ALDH9A1: variants seen among roughly 807,000 people sequenced by gnomAD.
The protein encoded by ALDH9A1 is 4-trimethylaminobutyraldehyde dehydrogenase.
In ALDH9A1, 42 loss-of-function variants were observed where a neutral mutation model predicts 56.6. The ratio of observed to expected loss-of-function variants is 0.74; its 90% CI spans 0.58 to 0.96. The LOEUF is 0.96. ALDH9A1 is among the 40% of genes least tolerant of loss of function. The probability of loss-of-function intolerance (pLI) is 0.00; values close to 1 mark genes in which losing one functional copy is unlikely to be tolerated. For synonymous variants in ALDH9A1, 242 were observed against 236.0 expected, an observed-to-expected ratio of 1.03 and a Z score of -0.23; for missense variants, 661 against 651.5, an observed-to-expected ratio of 1.01 and a Z score of -0.16.
Position 165,665,008 on chromosome 1 carries a change from A to T in ALDH9A1, c.1462+10T>A. On this transcript the variant is annotated intron_variant, in intron 10 of 10. Coordinates refer to ENST00000354775, the MANE Select transcript of ALDH9A1 (RefSeq NM_000696.4). ...GACCTAGTTTGCATTCACACCTCCC[A>T]GCTCCTCACCTGACTTCTTATATCC... 1.2e-6 allele frequency: 2 copies of T among 1,610,290 alleles called. No individual in the cohort carries two copies. The highest frequency in any genetic ancestry group is 1.7e-6 in the Non-Finnish European group (2 of 1,176,612).
intron 4 of ALDH9A1, among the ~76,000 whole-genome samples, chr1:165,681,167 C>T (rs1405406824): frequency 6.6e-6 from 1 of 152,200 alleles, no homozygotes; most frequent in Non-Finnish European, 1.5e-5. Context: ...GGGGACACAG[C>T]CAAACCATAT....
At position 165,695,346 on chromosome 1, in the gene ALDH9A1, G is replaced by C; in HGVS notation, c.233C>G (p.Ala78Gly). 3 of 1,613,286 alleles carry C rather than the reference G, an allele frequency of 1.9e-6. No homozygotes were observed. The highest frequency in any genetic ancestry group is 2.5e-6 in the Non-Finnish European group (3 of 1,179,666). Residue 78 changes from alanine (A) to glycine (G), a missense_variant, in exon 2 of 11, where the codon GCT becomes GGT. Physicochemically the swap from Ala to Gly is moderately conservative, Grantham distance 60. Transcript: ENST00000354775. ...AAAAGCAGCCTTTGCATTTTGAACA[G>C]CCAAATTTACTTCCTTTTCTCCTGA... is the stretch of plus-strand genomic sequence containing the variant. ...TCSGEKEVNL[A>G]VQNAKAAFKI...
chr1:165,697,922 G>C (rs1367141690), intron 1 of ALDH9A1, among the ~76,000 whole-genome samples: 4 of 152,146 alleles, frequency 2.6e-5, no homozygotes, highest in South Asian at 2.1e-4. Context: ...CCAGCTACCA[G>C]GGAGGCTGAG....
chr1:165,681,824 T>C (rs1390969732), intron 4 of ALDH9A1, among the ~76,000 whole-genome samples: 1 of 152,182 alleles, frequency 6.6e-6, no homozygotes, highest in African/African-American at 2.4e-5. Flanking sequence ...ACAAATCTAA[T>C]TCAATTTAAT....
chr1:165,680,359 TCTC>T (rs1649506649), intron 5 of ALDH9A1, 125 bp downstream of exon 5: 3 of 981,296 alleles, frequency 3.1e-6, no homozygotes, highest in Non-Finnish European at 3.1e-6. Context: ...CCTAATAAAA[TCTC>T]CTTCCCATTC....
chr1:165,679,352 A>G (rs1282212811), intron 6 of ALDH9A1, 90 bp downstream of exon 6: 2 of 1,449,930 alleles, frequency 1.4e-6, no homozygotes, highest in Admixed American at 2.2e-5. Flanking sequence ...TGTAAGTCTG[A>G]AAGTATTGTA....
At chr1:165,668,415 C>T (rs182459762) in intron 8 of ALDH9A1, among the ~76,000 whole-genome samples, 239 of 152,268 alleles carry the variant, frequency 1.6e-3, no homozygotes, top group Middle Eastern at 6.8e-3. Flanking sequence ...CCATGTGACT[C>T]GTCTGCTCCC....
At chr1:165,680,005 C>T (rs1410368280) in intron 5 of ALDH9A1, among the ~76,000 whole-genome samples, 1 of 151,978 alleles carries the variant, frequency 6.6e-6, no homozygotes, top group Non-Finnish European at 1.5e-5. Context: ...AGGGTGAGAC[C>T]CTGTCTCAAA....
At position 165,667,299 on chromosome 1, in the gene ALDH9A1, C is replaced by G. The variant is rs775444388; in HGVS notation, c.1349+10G>C. 11 of 1,613,978 alleles carry G rather than the reference C, an allele frequency of 6.8e-6. No homozygotes were observed. The South Asian group carries it at 1.2e-4, about 18-fold the overall frequency. On this transcript the variant is annotated intron_variant, in intron 9 of 10. Transcript: ENST00000354775. ...CTTCAAAACTGCTCTCAGTGTCCCA[C>G]TCCACATACCTGGTAAAGACGCCAG...
In ALDH9A1 at chr1:165,682,063, G is replaced by C. The variant is rs750466153; in HGVS notation, c.592+44C>G. On this transcript the variant is annotated intron_variant, in intron 4 of 10. Transcript: ENST00000354775. ...GAGAATGGGGAGAGAACGAACGAGA[G>C]AATGAACGAATGGCTCTCAAATGGA... 3 of 1,608,520 alleles carry C rather than the reference G, an allele frequency of 1.9e-6. No individual in the cohort carries two copies. The African/African-American group carries it at 4.0e-5, about 22-fold the overall frequency.
At chr1:165,692,488 C>T (rs1649925749) in intron 2 of ALDH9A1, among the ~76,000 whole-genome samples, 1 of 151,996 alleles carries the variant, frequency 6.6e-6, no homozygotes, top group Admixed American at 6.6e-5. Flanking sequence ...AATAAAATAC[C>T]CAGGAATCCA....
chr1:165,693,151 A>T (rs1649949635), intron 2 of ALDH9A1, among the ~76,000 whole-genome samples: 1 of 152,214 alleles, frequency 6.6e-6, no homozygotes, highest in Non-Finnish European at 1.5e-5. Context: ...GGACACAGGC[A>T]TGGGCAAGGA....
At chr1:165,690,584 G>A (rs1649856970) in intron 2 of ALDH9A1, among the ~76,000 whole-genome samples, 1 of 152,106 alleles carries the variant, frequency 6.6e-6, no homozygotes, top group Non-Finnish European at 1.5e-5. Context: ...GAAGCACAAG[G>A]GGTCAGGGAA....
chr1:165,696,036 G>A (rs778436196), intron 1 of ALDH9A1, among the ~76,000 whole-genome samples: 1 of 152,018 alleles, frequency 6.6e-6, no homozygotes. Context: ...ATTTTTAGTA[G>A]AGACGGGATT....
intron 10 of ALDH9A1, among the ~76,000 whole-genome samples, chr1:165,664,446 T>C (rs566274826): frequency 2.6e-5 from 4 of 152,340 alleles, no homozygotes; most frequent in African/African-American, 9.6e-5. Context: ...TGGTAACATA[T>C]GTCTGACTAT....
rs187266997 is a variant in ALDH9A1 at position 165,691,446 on chromosome 1, G to A, written c.327+3806C>T. Among the ~76,000 whole-genome samples, 4 of 152,340 alleles carry A rather than the reference G, an allele frequency of 2.6e-5. No homozygotes were observed. The East Asian group carries it at 7.7e-4, about 29-fold the overall frequency. Reference sequence around the variant, plus strand: ...GATGGGGAGAAACCAGAACAGAAAAGCTGAAAATTCTCAAAACCAGAGTGC... The same window carrying A: ...GATGGGGAGAAACCAGAACAGAAAAACTGAAAATTCTCAAAACCAGAGTGC... On this transcript the variant is annotated intron_variant, in intron 2 of 10. Coordinates refer to ENST00000354775, the MANE Select transcript of ALDH9A1 (RefSeq NM_000696.4).
intron 1 of ALDH9A1, 191 bp downstream of exon 1, chr1:165,698,187 T>C (rs1571190100): frequency 7.4e-7 from 1 of 1,353,550 alleles, no homozygotes; most frequent in East Asian, 3.0e-5. Context: ...TTTTCCTCCC[T>C]ACCCATCCCT....
intron 5 of ALDH9A1, 115 bp from the exon 6 acceptor site, chr1:165,679,697 A>ATTC (rs1458240732): frequency 9.3e-7 from 1 of 1,069,744 alleles, no homozygotes; most frequent in African/African-American, 1.6e-5. Context: ...CTGTAGCCTT[A>ATTC]TTCTTGTCAA....
chr1:165,665,371 A>G (rs1648976689), intron 9 of ALDH9A1, among the ~76,000 whole-genome samples: 1 of 152,252 alleles, frequency 6.6e-6, no homozygotes. Context: ...AATGGAGGAA[A>G]AACAGTCTTT....
Sources: allele counts gnomAD v4.1 joint callset (sites outside exome capture counted in the v4.1 genomes callset), GRCh38; gene constraint gnomAD v4.1.1; transcripts MANE v1.5; gene names NCBI Gene and HGNC (gene_info 2026-07-23, HGNC 2026-07-21).